PRL: variants seen among roughly 807,000 people sequenced by gnomAD.
PRL encodes the protein decidual prolactin.
Under a neutral mutation model 21.3 loss-of-function variants are expected in PRL, and 24 were observed. The observed-to-expected ratio is 1.13, with a 90% CI of 0.82 to 1.59. PRL has a LOEUF of 1.59. Ranked by LOEUF, PRL falls within the 40% of genes most tolerant of loss-of-function variation. The probability of loss-of-function intolerance (pLI) is 0.00; values close to 1 mark genes in which losing one functional copy is unlikely to be tolerated. For synonymous variants in PRL, 118 were observed against 115.7 expected (o/e 1.02, Z -0.13); for missense variants, 243 against 286.9 (o/e 0.85, Z 1.10).
chr6:22,292,501 T>C (rs764051420), intron 3 of PRL, 37 bp downstream of exon 3: 11 of 1,571,064 alleles, frequency 7.0e-6, no homozygotes, highest in Non-Finnish European at 9.6e-6. Flanking sequence ...TATACTGCCT[T>C]GGTTGTTTTG....
upstream of PRL, among the ~76,000 whole-genome samples, chr6:22,300,159 GT>G (rs983814134): frequency 1.3e-5 from 2 of 151,806 alleles, no homozygotes; most frequent in African/African-American, 4.8e-5. Flanking sequence ...ATCAATAGTG[GT>G]TTTTTTTGAA....
chr6:22,290,449 C>CT (rs1761028979), intron 3 of PRL, 96 bp from the exon 4 acceptor site: 3 of 1,022,326 alleles, frequency 2.9e-6, no homozygotes, highest in Non-Finnish European at 3.9e-6. Flanking sequence ...ACTGAAATAT[C>CT]TTTTTTTATT....
In PRL at chr6:22,287,290, G is replaced by T; in HGVS notation, c.*112C>A. ...TAAGGAGTCAGTTTTTATTTTTTAA[G>T]AGGAGACCTGTTACACCCAAGCATG... On this transcript the variant is annotated 3_prime_UTR_variant, in exon 5 of 5. Coordinates refer to ENST00000306482, the MANE Select transcript of PRL (RefSeq NM_000948.6). 9.1e-7 allele frequency: 1 copy of T among 1,101,794 alleles called. No homozygotes were observed. Among genetic ancestry groups the T allele is most frequent in the South Asian group, 2.6e-5 (1 of 38,420 alleles). The allele number at this position is 1,101,794 out of a possible 1,614,324, so 68.3% of individuals were successfully genotyped here.
chr6:22,299,270 G>T (rs1561757965), upstream of PRL, among the ~76,000 whole-genome samples: 2 of 152,112 alleles, frequency 1.3e-5, no homozygotes, highest in South Asian at 4.1e-4. Context: ...TGGTCTGAGA[G>T]CTTGTGATGC....
At chr6:22,298,488 A>G (rs2113519200), upstream of PRL, among the ~76,000 whole-genome samples, 1 of 152,324 alleles carries the variant, frequency 6.6e-6, no homozygotes, top group Non-Finnish European at 1.5e-5. Flanking sequence ...CTAGAGCCAC[A>G]TATGTGCTTT....
chr6:22,299,456 A>G (rs144211957), upstream of PRL, among the ~76,000 whole-genome samples: 304 of 152,360 alleles, frequency 2.0e-3, 1 homozygote, highest in African/African-American at 6.7e-3. Context: ...CCTAATTTAG[A>G]ACAAAGTTTG....
intron 3 of PRL, among the ~76,000 whole-genome samples, chr6:22,291,730 T>C (rs7759000): frequency 0.22 from 34,133 of 152,120 alleles, 4,075 homozygotes; most frequent in Non-Finnish European, 0.25. Context: ...ACAGAAATGT[T>C]GGTGCCATTC....
rs1761150705 is a variant in PRL, at chr6:22,295,276, G to A, written c.29-692C>T. Among the ~76,000 whole-genome samples the A allele has an allele frequency of 5.3e-5, 8 of 152,124 alleles. No homozygotes were observed. The South Asian group carries it at 1.7e-3, about 32-fold the overall frequency. On this transcript the variant is annotated intron_variant, in intron 1 of 4. Coordinates refer to ENST00000306482, the MANE Select transcript of PRL (RefSeq NM_000948.6). The stretch of plus-strand genomic sequence containing the variant: ...TTTGTAATTATCATCAAATTATACT[G>A]ATGAAACAGATGGCTTAGGGAGGTT...
chr6:22,293,543 G>C (rs1192977567), intron 2 of PRL, among the ~76,000 whole-genome samples: 1 of 150,024 alleles, frequency 6.7e-6, no homozygotes, highest in African/African-American at 2.5e-5. Context: ...AGGTTATTCA[G>C]AAATAGAGTA....
rs947764631 is a variant in PRL at position 22,287,257 on chromosome 6, G to C, written c.*145C>G. ...TTGACAAATCGGCATTTTAGATTTT[G>C]ATGTCTCTAAGGAGTCAGTTTTTAT... On this transcript the variant is annotated 3_prime_UTR_variant, in exon 5 of 5. Coordinates refer to ENST00000306482, the MANE Select transcript of PRL (RefSeq NM_000948.6). 20 of 687,124 alleles carry C rather than the reference G, an allele frequency of 2.9e-5. No individual in the cohort carries two copies. The highest frequency in any genetic ancestry group is 4.1e-5 in the Non-Finnish European group (19 of 467,802). The allele number at this position is 687,124 out of a possible 1,614,324, so 42.6% of individuals were successfully genotyped here. A position where few individuals can be genotyped will look rare whatever the true frequency, so the allele number is the denominator to read the frequency against.
At chr6:22,297,037 G>A, upstream of PRL, 7 of 1,588,584 alleles carry the variant, frequency 4.4e-6, no homozygotes, top group East Asian at 6.7e-5. Flanking sequence ...GAAGTCTCAC[G>A]GTTTTCTCTT....
At chr6:22,300,287 A>C (rs1761258901), upstream of PRL, among the ~76,000 whole-genome samples, 1 of 152,236 alleles carries the variant, frequency 6.6e-6, no homozygotes, top group Non-Finnish European at 1.5e-5. Context: ...TTTTCAGTAA[A>C]CTGCAATCTA....
At chr6:22,299,168 A>G (rs1761236709), upstream of PRL, among the ~76,000 whole-genome samples, 2 of 152,212 alleles carry the variant, frequency 1.3e-5, no homozygotes. Context: ...TCTTTATCAA[A>G]CTGTGCCCTT....
chr6:22,298,077 A>G (rs1581389879), upstream of PRL, among the ~76,000 whole-genome samples: 2 of 152,222 alleles, frequency 1.3e-5, no homozygotes, highest in Non-Finnish European at 2.9e-5. Context: ...ATGTGTGTGC[A>G]CACACACAGA....
intron 1 of PRL, 127 bp downstream of exon 1, chr6:22,296,827 GA>G (rs750382539): frequency 3.2e-5 from 32 of 1,008,946 alleles, no homozygotes; most frequent in Non-Finnish European, 4.2e-5. Flanking sequence ...TTGCTTTCTA[GA>G]GGAAACATAA....
upstream of PRL, chr6:22,297,105 T>C (rs1273082592): frequency 1.0e-6 from 1 of 964,138 alleles, no homozygotes; most frequent in Non-Finnish European, 1.6e-6. Context: ...GAATCAGGCA[T>C]TCGTTTCCCT....
At chr6:22,290,078 C>T in intron 4 of PRL, 96 bp downstream of exon 4, 1 of 1,229,228 alleles carries the variant, frequency 8.1e-7, no homozygotes, top group Non-Finnish European at 1.1e-6. Context: ...ATATGGAATG[C>T]CTAAATTTCC....
rs1305147813 is a variant in PRL, at chr6:22,287,555, G to C, written c.531C>G (p.Val177=). 2 of 1,613,540 alleles carry C rather than the reference G, an allele frequency of 1.2e-6. No homozygotes were observed. The highest frequency in any genetic ancestry group is 1.7e-6 in the Non-Finnish European group (2 of 1,179,744). The change falls in exon 5 of 5, where the codon GTC becomes GTG. Residue 177 remains valine (V), a synonymous_variant. Coordinates refer to ENST00000306482, the MANE Select transcript of PRL (RefSeq NM_000948.6). ...PETKENEIYP[V]WSGLPSLQMA... is the part of the protein sequence containing the mutation. ...TCTGCAGGGATGGAAGTCCCGACCA[G>C]ACAGGGTAGATCTCATTTTCTTTGG...
chr6:22,294,404 C>A lies in PRL; in HGVS notation c.204+5G>T. 1 of 1,614,102 alleles carries A rather than the reference C, an allele frequency of 6.2e-7. No individual in the cohort carries two copies. Among genetic ancestry groups the A allele is most frequent in the Non-Finnish European group, 8.5e-7 (1 of 1,179,990 alleles). ...CAGGGAGGAAGCCAGAAGCATGGTA[C>A]TTACGAATTCGCTGAACATTTCTGA... On this transcript the variant is annotated splice_donor_5th_base_variant and intron_variant, in intron 2 of 4. Coordinates refer to ENST00000306482, the MANE Select transcript of PRL (RefSeq NM_000948.6).
Sources: gnomAD v4.1 joint callset for allele counts (sites outside exome capture counted in the v4.1 genomes callset) on GRCh38, gnomAD v4.1.1 for gene constraint, MANE v1.5 for transcripts, NCBI Gene and HGNC (gene_info 2026-07-23, HGNC 2026-07-21) for gene names.